CSMD1: variants seen among roughly 807,000 people sequenced by gnomAD.
CSMD1 encodes the protein CUB and sushi domain-containing protein 1.
A neutral mutation model predicts 417.5 loss-of-function variants in CSMD1; 213 were observed. The observed-to-expected ratio is 0.51, with a 90% confidence interval of 0.46 to 0.57. The LOEUF (loss-of-function observed/expected upper bound fraction) is 0.57. Among genes scored for constraint, CSMD1 ranks in the 20% least tolerant of loss-of-function variants. The pLI, the probability that CSMD1 is intolerant of heterozygous loss-of-function variation, is 0.00. For missense variants in CSMD1, 6,923 were observed against 4,529.7 expected (o/e 1.53, Z -15.17); for synonymous variants, 2,862 against 1,736.8 (o/e 1.65, Z -16.11).
At chr8:3,523,015 CCA>C (rs35558604) in intron 10 of CSMD1, among the ~76,000 whole-genome samples, 47,865 of 141,572 alleles carry the variant, frequency 0.34, 7,677 homozygotes, top group African/African-American at 0.38. Context: ...ATACACACAC[CCA>C]CACACACACA....
chr8:4,673,255 C>A (rs1805442840), intron 1 of CSMD1, among the ~76,000 whole-genome samples: 1 of 152,078 alleles, frequency 6.6e-6, no homozygotes, highest in East Asian at 1.9e-4. Flanking sequence ...TGTAAGAGTC[C>A]CTTATGAATT....
chr8:4,026,169 A>T (rs79795465), intron 4 of CSMD1, among the ~76,000 whole-genome samples: 2,055 of 152,324 alleles, frequency 0.013, 42 homozygotes, highest in East Asian at 0.057. Flanking sequence ...TTACACATTT[A>T]CAAGAATTAG....
chr8:4,602,691 C>G (rs1800656945), intron 2 of CSMD1, among the ~76,000 whole-genome samples: 1 of 152,210 alleles, frequency 6.6e-6, no homozygotes, highest in South Asian at 2.1e-4. Flanking sequence ...ACTTAATTGT[C>G]TTAAGATCTT....
intron 3 of CSMD1, among the ~76,000 whole-genome samples, chr8:4,385,901 C>A (rs1359470285): frequency 6.6e-6 from 1 of 152,182 alleles, no homozygotes; most frequent in Non-Finnish European, 1.5e-5. Context: ...TTTCTCAGAA[C>A]CAGTTCTCCA....
At chr8:4,116,509 GGC>G (rs1802156775) in intron 3 of CSMD1, among the ~76,000 whole-genome samples, 2 of 127,582 alleles carry the variant, frequency 1.6e-5, no homozygotes, top group Non-Finnish European at 3.3e-5. Context: ...CACATCCGAC[GGC>G]GATGTATGAG....
Position 3,887,013 on chromosome 8 carries a change from G to T in CSMD1, c.818+110890C>A, listed in dbSNP as rs1173949290. 3.3e-5 allele frequency among the ~76,000 whole-genome samples: 5 copies of T among 152,226 alleles called. No individual in the cohort carries two copies. In the East Asian group the frequency reaches 9.7e-4, roughly 29 times the overall value. On this transcript the variant is annotated intron_variant, in intron 5 of 69. Transcript: ENST00000635120. ...AAGCATTGATCACCTGGTACCACAT[G>T]GACTTCAGTGACCTTTCAAACTCTG...
In CSMD1 at chr8:4,105,835, G is replaced by C. The variant is rs537174891; in HGVS notation, c.416-73736C>G. Among the ~76,000 whole-genome samples, 7 of 152,270 alleles carry C rather than the reference G, an allele frequency of 4.6e-5. No homozygotes were observed. In the South Asian group the frequency reaches 1.2e-3, roughly 27 times the overall value. Reference sequence around the variant, plus strand: ...AGTTACTTGTCACCCCTTTTGCTGAGGCCATGACCCTCTGAGCTTCCCGGG... The same window carrying C: ...AGTTACTTGTCACCCCTTTTGCTGACGCCATGACCCTCTGAGCTTCCCGGG... On this transcript the variant is annotated intron_variant, in intron 3 of 69. Coordinates refer to ENST00000635120, the MANE Select transcript of CSMD1 (RefSeq NM_033225.6).
At chr8:3,680,571 G>A (rs1298431289) in intron 7 of CSMD1, among the ~76,000 whole-genome samples, 1 of 152,130 alleles carries the variant, frequency 6.6e-6, no homozygotes, top group Non-Finnish European at 1.5e-5. Flanking sequence ...AAAAAGTCCA[G>A]GACCAGATGG....
intron 1 of CSMD1, among the ~76,000 whole-genome samples, chr8:4,978,638 C>T (rs1205070094): frequency 6.6e-6 from 1 of 152,044 alleles, no homozygotes; most frequent in African/African-American, 2.4e-5. Flanking sequence ...CAAAAGTAAG[C>T]AGTTAGAAAA....
At chr8:3,658,597 A>G (rs1798249158) in intron 7 of CSMD1, among the ~76,000 whole-genome samples, 2 of 151,822 alleles carry the variant, frequency 1.3e-5, no homozygotes, top group African/African-American at 4.8e-5. Flanking sequence ...AGCTTGGCCA[A>G]CATGACAAAA....
At chr8:4,495,743 G>C (rs1370459690) in intron 2 of CSMD1, among the ~76,000 whole-genome samples, 3 of 148,886 alleles carry the variant, frequency 2.0e-5, no homozygotes, top group African/African-American at 7.4e-5. Context: ...TTGTTGATTT[G>C]GTGAGATCTC....
intron 3 of CSMD1, among the ~76,000 whole-genome samples, chr8:4,329,298 T>G (rs1473982105): frequency 1.3e-5 from 2 of 152,158 alleles, no homozygotes; most frequent in Non-Finnish European, 2.9e-5. Context: ...AAATACTCAT[T>G]TATTTTTTGA....
intron 51 of CSMD1, among the ~76,000 whole-genome samples, chr8:3,027,806 G>T (rs1810050317): frequency 6.6e-6 from 1 of 152,216 alleles, no homozygotes; most frequent in African/African-American, 2.4e-5. Context: ...GAAGCTGGAA[G>T]CAGAAACACC....
intron 6 of CSMD1, among the ~76,000 whole-genome samples, chr8:3,722,868 G>C (rs1223375420): frequency 6.6e-6 from 1 of 151,996 alleles, no homozygotes; most frequent in Non-Finnish European, 1.5e-5. Context: ...TGAACTAGCT[G>C]CTTTTTCATG....
At chr8:3,223,651 T>G (rs964720352) in intron 28 of CSMD1, 78 bp downstream of exon 28, 2 of 1,443,528 alleles carry the variant, frequency 1.4e-6, no homozygotes, top group East Asian at 2.3e-5. Flanking sequence ...TTAGAGACTA[T>G]GAGGTCATAA....
At chr8:3,393,813 G>T (rs987055950) in intron 17 of CSMD1, among the ~76,000 whole-genome samples, 3 of 151,152 alleles carry the variant, frequency 2.0e-5, no homozygotes, top group Non-Finnish European at 2.9e-5. Flanking sequence ...CACAGGAAGG[G>T]GAACATCACA....
At chr8:4,657,016 C>A (rs2130910381) in intron 1 of CSMD1, among the ~76,000 whole-genome samples, 1 of 152,240 alleles carries the variant, frequency 6.6e-6, no homozygotes, top group Non-Finnish European at 1.5e-5. Flanking sequence ...GTAGGGCACG[C>A]AAAGCCACCA....
intron 2 of CSMD1, among the ~76,000 whole-genome samples, chr8:4,433,645 C>T (rs187679316): frequency 1.3e-5 from 2 of 152,128 alleles, no homozygotes; most frequent in East Asian, 3.9e-4. Flanking sequence ...CTCAAATCTG[C>T]CCTTGTCTGA....
intron 3 of CSMD1, among the ~76,000 whole-genome samples, chr8:4,033,060 C>G (rs985253282): frequency 6.6e-6 from 1 of 150,708 alleles, no homozygotes. Flanking sequence ...TTCTTCTAAC[C>G]CAGACATTCC....
Sources: allele counts gnomAD v4.1 joint callset (sites outside exome capture counted in the v4.1 genomes callset), GRCh38; gene constraint gnomAD v4.1.1; transcripts MANE v1.5; gene names NCBI Gene and HGNC (gene_info 2026-07-23, HGNC 2026-07-21).